The following TIFA variants were observed in gnomAD, a reference collection of about 807,000 sequenced individuals.
The protein encoded by TIFA is TRAF interacting protein with forkhead associated domain, also known as TRAF-interacting protein with FHA domain-containing protein A.
For missense variants in TIFA, 186 were observed against 215.2 expected (o/e 0.86, Z 0.85); for synonymous variants, 75 against 79.2 (o/e 0.95, Z 0.28).
Position 112,276,391 on chromosome 4 carries a change from A to T in TIFA, c.*1471T>A, listed in dbSNP as rs1462825444. The stretch of plus-strand genomic sequence containing the variant: ...GGTGATCAATTGGGCACACCCAGAT[A>T]ATCCAGCATAATCTATTTTACTTCC... On this transcript the variant is annotated 3_prime_UTR_variant, in exon 2 of 2. Coordinates refer to ENST00000361717, the MANE Select transcript of TIFA (RefSeq NM_052864.3). 6.5e-6 allele frequency: 1 copy of T among 153,254 alleles called. No homozygotes were observed. The highest frequency in any genetic ancestry group is 1.5e-5 in the Non-Finnish European group (1 of 68,092). The allele number at this position is 153,254 out of a possible 1,614,324, so 9.5% of individuals were successfully genotyped here. A position where few individuals can be genotyped will look rare whatever the true frequency, so the allele number is the denominator to read the frequency against.
intron 1 of TIFA, among the ~76,000 whole-genome samples, chr4:112,284,427 T>C (rs1224364420): frequency 6.6e-6 from 1 of 152,068 alleles, no homozygotes; most frequent in Non-Finnish European, 1.5e-5. Flanking sequence ...TACAGAAATA[T>C]TTTCGCTACA....
In TIFA at chr4:112,277,682, C is replaced by CCGT; in HGVS notation, c.*179_*180insACG. On this transcript the variant is annotated 3_prime_UTR_variant, in exon 2 of 2. Transcript: ENST00000361717. ...AATTTTGTGTAGATCCAGAATACAA[C>CCGT]AGGTGACTAAGTTAATGACTAACAC... The CCGT allele has an allele frequency of 4.7e-6, 2 of 422,312 alleles. No homozygotes were observed. The highest frequency in any genetic ancestry group is 9.0e-5 in the South Asian group (1 of 11,052). The allele number at this position is 422,312 out of a possible 1,614,324, so 26.2% of individuals were successfully genotyped here.
In TIFA at chr4:112,277,744, A is replaced by G. The variant is rs1727144898; in HGVS notation, c.*118T>C. The G allele has an allele frequency of 8.3e-6, 9 of 1,084,316 alleles. No homozygotes were observed. In the South Asian group the frequency reaches 1.4e-4, roughly 17 times the overall value. The allele number at this position is 1,084,316 out of a possible 1,614,324, so 67.2% of individuals were successfully genotyped here. A position where few individuals can be genotyped will look rare whatever the true frequency, so the allele number is the denominator to read the frequency against. Reference sequence around the variant, plus strand: ...TTCAAAATGATAATACTGAATTCCAAATTTCACAGCATAACAGATGACTAT... The same window carrying G: ...TTCAAAATGATAATACTGAATTCCAGATTTCACAGCATAACAGATGACTAT... On this transcript the variant is annotated 3_prime_UTR_variant, in exon 2 of 2. Coordinates refer to ENST00000361717, the MANE Select transcript of TIFA (RefSeq NM_052864.3).
chr4:112,280,656 A>G (rs1393407277), intron 1 of TIFA, among the ~76,000 whole-genome samples: 1 of 151,984 alleles, frequency 6.6e-6, no homozygotes. Flanking sequence ...CAGCCCTGCT[A>G]TTTACTTTTA....
At chr4:112,280,902 A>T (rs1185994333) in intron 1 of TIFA, among the ~76,000 whole-genome samples, 1 of 152,218 alleles carries the variant, frequency 6.6e-6, no homozygotes, top group African/African-American at 2.4e-5. Flanking sequence ...AAATCCTCAA[A>T]ATCCTGTGCT....
chr4:112,278,319 G>T lies in TIFA; in HGVS notation c.98C>A (p.Ser33Ter). The change falls in exon 2 of 2, where the codon TCA becomes TAA. Residue 33 changes from serine (S) to a stop codon, truncating the protein, a stop_gained. Coordinates refer to ENST00000361717, the MANE Select transcript of TIFA (RefSeq NM_052864.3). LOFTEE classifies it low-confidence loss of function (END_TRUNC). ...PGQLQCGIFQ[S>*]ISFNREKLPS... is the part of the protein sequence containing the mutation. The stretch of plus-strand genomic sequence containing the variant: ...GAGTTTCTCTCTGTTAAAACTTATT[G>T]ACTGAAATATTCCACACTGCAACTG... 6.2e-7 allele frequency: 1 copy of T among 1,613,914 alleles called. No homozygotes were observed. Among genetic ancestry groups the T allele is most frequent in the Non-Finnish European group, 8.5e-7 (1 of 1,179,962 alleles).
Position 112,278,136 on chromosome 4 carries a change from G to C in TIFA, c.281C>G (p.Thr94Ser), listed in dbSNP as rs1317038287. ...CTCTCTGCTGTCCACGATCAGATTG[G>C]TCTTTTTACTCATATTTTTTATTTC... is the stretch of plus-strand genomic sequence containing the variant. ...SFEIKNMSKK[T>S]NLIVDSRELG... Residue 94 changes from threonine (T) to serine (S), a missense_variant, in exon 2 of 2, where the codon ACC becomes AGC. Transcript: ENST00000361717. The C allele has an allele frequency of 6.2e-7, 1 of 1,614,002 alleles. No individual in the cohort carries two copies. The highest frequency in any genetic ancestry group is 2.2e-5 in the East Asian group (1 of 44,888).
intron 1 of TIFA, among the ~76,000 whole-genome samples, chr4:112,283,589 A>G (rs1386891826): frequency 6.6e-6 from 1 of 152,240 alleles, no homozygotes; most frequent in Non-Finnish European, 1.5e-5. Flanking sequence ...GACAATTAAA[A>G]TAATATAGTT....
At position 112,279,126 on chromosome 4, in the gene TIFA, C is replaced by A. The variant is rs144708516; in HGVS notation, c.-18-692G>T. ...TTGGTTCTAATTATCACAGCCTGCACTGGTATCAGAATTATTTATTTTTGT... is the reference window on the plus strand; with the variant it reads ...TTGGTTCTAATTATCACAGCCTGCAATGGTATCAGAATTATTTATTTTTGT... On this transcript the variant is annotated intron_variant, in intron 1 of 1. Transcript: ENST00000361717. Among the ~76,000 whole-genome samples, 420 of 152,300 alleles carry A rather than the reference C, an allele frequency of 2.8e-3. 2 individuals are homozygous for A. The highest frequency in any genetic ancestry group is 9.6e-3 in the African/African-American group (399 of 41,544).
chr4:112,283,843 A>T (rs1232192307), intron 1 of TIFA, among the ~76,000 whole-genome samples: 1 of 152,188 alleles, frequency 6.6e-6, no homozygotes, highest in Non-Finnish European at 1.5e-5. Context: ...TCAAACACTT[A>T]ACAAATATTT....
chr4:112,279,238 C>T (rs534826694), intron 1 of TIFA, among the ~76,000 whole-genome samples: 2 of 151,542 alleles, frequency 1.3e-5, no homozygotes, highest in South Asian at 2.1e-4. Flanking sequence ...CCTTGAGAGC[C>T]GATGGCCCGA....
At chr4:112,278,469 T>TA in intron 1 of TIFA, 35 bp from the exon 2 acceptor site, 1 of 1,497,364 alleles carries the variant, frequency 6.7e-7, no homozygotes, top group Non-Finnish European at 8.9e-7. Context: ...AGTTTCTGCT[T>TA]ATGCTTGAGG....
rs747173732 is a variant in TIFA at position 112,275,176 on chromosome 4, G to A, written c.*2686C>T. On this transcript the variant is annotated 3_prime_UTR_variant, in exon 2 of 2. Coordinates refer to ENST00000361717, the MANE Select transcript of TIFA (RefSeq NM_052864.3). ...AGCAGCCATTATATAATGTGACTGC[G>A]TTACCTGAGACAAGTTGATTGGTGA... 8 of 151,828 alleles carry A rather than the reference G, an allele frequency of 5.3e-5. No homozygotes were observed. The highest frequency in any genetic ancestry group is 1.2e-4 in the African/African-American group (5 of 41,280). The allele number at this position is 151,828 out of a possible 1,614,324, so 9.4% of individuals were successfully genotyped here.
Position 112,278,024 on chromosome 4 carries a change from G to T in TIFA, c.393C>A (p.Gly131=). The T allele has an allele frequency of 6.2e-7, 1 of 1,613,878 alleles. No homozygotes were observed. Among genetic ancestry groups the T allele is most frequent in the East Asian group, 2.2e-5 (1 of 44,872 alleles). Residue 131 remains glycine, a synonymous_variant, in exon 2 of 2, where the codon GGC becomes GGA. Transcript: ENST00000361717. The part of the protein sequence containing the change: ...EYQFLMEKED[G]ESLEFFETQF... ...GAGTCTCAAAAAATTCCAATGACTCGCCATCTTCCTTCTCCATCAGAAACT... is the reference window on the plus strand; with the variant it reads ...GAGTCTCAAAAAATTCCAATGACTCTCCATCTTCCTTCTCCATCAGAAACT...
intron 1 of TIFA, among the ~76,000 whole-genome samples, chr4:112,285,263 G>C (rs566128277): frequency 6.6e-6 from 1 of 152,020 alleles, no homozygotes; most frequent in Admixed American, 6.5e-5. Flanking sequence ...GCGTGGGGCC[G>C]TAGCAGTTGG....
intron 1 of TIFA, 158 bp downstream of exon 1, chr4:112,285,482 T>C (rs2110508464): frequency 6.6e-6 from 1 of 152,318 alleles, no homozygotes; most frequent in African/African-American, 2.4e-5. Context: ...CAGGCTTTCC[T>C]TAGCATATGG....
intron 1 of TIFA, among the ~76,000 whole-genome samples, chr4:112,283,746 G>T (rs1417565537): frequency 6.6e-6 from 1 of 152,038 alleles, no homozygotes. Flanking sequence ...AGAAACTGGG[G>T]GCCCAGGATA....
intron 1 of TIFA, among the ~76,000 whole-genome samples, chr4:112,280,304 A>G (rs1727202726): frequency 6.6e-6 from 1 of 151,444 alleles, no homozygotes; most frequent in South Asian, 2.1e-4. Context: ...AAAAACCAGA[A>G]AGAATATTTT....
intron 1 of TIFA, among the ~76,000 whole-genome samples, chr4:112,283,666 G>C (rs1489122621): frequency 1.3e-5 from 2 of 152,306 alleles, no homozygotes; most frequent in Middle Eastern, 6.8e-3. Flanking sequence ...AAATCTGTTA[G>C]TCGTAAGTTA....
Sources: gnomAD v4.1 joint callset for allele counts (sites outside exome capture counted in the v4.1 genomes callset) on GRCh38, gnomAD v4.1.1 for gene constraint, MANE v1.5 for transcripts, NCBI Gene and HGNC (gene_info 2026-07-23, HGNC 2026-07-21) for gene names.